The following DYSF variants were observed in gnomAD, a reference collection of about 807,000 sequenced individuals.
DYSF encodes dystrophy-associated fer-1-like 1.
A neutral mutation model predicts 274.9 loss-of-function variants in DYSF; 212 were observed. The ratio of observed to expected loss-of-function variants is 0.77; its 90% confidence interval spans 0.69 to 0.86. The LOEUF (loss-of-function observed/expected upper bound fraction) is 0.86, where lower values mean the gene tolerates loss of function less well. DYSF is among the 40% of genes least tolerant of loss of function. The probability of loss-of-function intolerance (pLI) is 0.00; values close to 1 mark genes in which losing one functional copy is unlikely to be tolerated. For synonymous variants in DYSF, 1,091 were observed against 1,078.7 expected (o/e 1.01, Z -0.22); for missense variants, 2,666 against 2,783.2 (o/e 0.96, Z 0.95).
chr2:71,587,469 A>C (rs1022268205), intron 30 of DYSF, among the ~76,000 whole-genome samples: 8 of 152,216 alleles, frequency 5.3e-5, no homozygotes, highest in African/African-American at 1.7e-4. Context: ...CACTCCCAGC[A>C]CATGACAAAC....
rs753416561 is a variant in DYSF at position 71,551,644 on chromosome 2, C to T, written c.1730C>T (p.Ser577Phe). 2 of 1,610,272 alleles carry T rather than the reference C, an allele frequency of 1.2e-6. No individual in the cohort carries two copies. The highest frequency in any genetic ancestry group is 1.1e-5 in the South Asian group (1 of 89,820). The part of the protein sequence containing the change: ...GVAYRGRLLL[S>F]LETKLVEHSE... The stretch of plus-strand genomic sequence containing the variant: ...GCTTATCGTGGCCGGCTTCTGCTCT[C>T]CCTGGAGACCAAGCTGGTGGAGCAC... The change falls in exon 19 of 56, where the codon TCC becomes TTC. Residue 577 changes from serine (S) to phenylalanine (F), a missense_variant. By Grantham distance (155) the Ser-to-Phe change is radical. Coordinates refer to ENST00000410020, the MANE Select transcript of DYSF (RefSeq NM_001130987.2).
intron 43 of DYSF, among the ~76,000 whole-genome samples, chr2:71,658,084 C>T (rs766759609): frequency 6.6e-6 from 1 of 152,200 alleles, no homozygotes; most frequent in Non-Finnish European, 1.5e-5. Flanking sequence ...GCACCCAAGT[C>T]AACTTTTGAA....
chr2:71,510,070 G>A (rs2152726483), intron 4 of DYSF, among the ~76,000 whole-genome samples: 1 of 152,324 alleles, frequency 6.6e-6, no homozygotes, highest in East Asian at 1.9e-4. Flanking sequence ...ACCTCGCCCA[G>A]GCTCTTTTGA....
chr2:71,551,085 A>C lies in DYSF; in HGVS notation c.1621A>C (p.Ile541Leu). The C allele has an allele frequency of 6.2e-7, 1 of 1,614,114 alleles. No homozygotes were observed. The highest frequency in any genetic ancestry group is 2.2e-5 in the East Asian group (1 of 44,866). ...GFLPTFGPCY[I>L]NLYGSPREFT... is the part of the protein sequence containing the mutation. ...CCTCCCCACTTTTGGGCCCTGCTAC[A>C]TCAACCTCTATGGCAGTCCCAGAGA... Residue 541 changes from isoleucine to leucine, a missense_variant, in exon 18 of 56, where the codon ATC (isoleucine) becomes CTC (leucine). Around this residue, in one of 3 missense-constraint regions of DYSF, gnomAD observed 794 missense variants for 777.1 expected, o/e 1.02. Transcript: ENST00000410020.
intron 1 of DYSF, among the ~76,000 whole-genome samples, chr2:71,468,597 T>G (rs2081720947): frequency 2.0e-5 from 3 of 152,230 alleles, no homozygotes; most frequent in South Asian, 2.1e-4. Context: ...TTATTTGCAC[T>G]GATGATCTCC....
chr2:71,659,154 C>A, intron 44 of DYSF, 121 bp downstream of exon 44: 1 of 1,360,762 alleles, frequency 7.3e-7, no homozygotes, highest in Admixed American at 1.9e-5. Flanking sequence ...CAGACAAACA[C>A]ACAAAACTGA....
intron 17 of DYSF, among the ~76,000 whole-genome samples, chr2:71,545,154 A>G (rs1377764082): frequency 3.3e-5 from 5 of 152,228 alleles, no homozygotes; most frequent in African/African-American, 1.2e-4. Context: ...GGAGTAGGAA[A>G]GAGTTCCAGG....
Position 71,556,205 on chromosome 2 carries a change from T to C in DYSF, c.2216+134T>C, listed in dbSNP as rs1573964930. 4.0e-6 allele frequency: 3 copies of C among 750,960 alleles called. No individual in the cohort carries two copies. The East Asian group carries it at 8.1e-5, about 20-fold the overall frequency. 46.5% of individuals were successfully genotyped at this position (750,960 alleles called of 1,614,324 possible). A position where few individuals can be genotyped will look rare whatever the true frequency, so the allele number is the denominator to read the frequency against. On this transcript the variant is annotated intron_variant, in intron 22 of 55. Transcript: ENST00000410020. ...GCTTGGCCAGCAGTCCAGCCCGTGC[T>C]GAGTCCAAAGGTGGTGGAGCCAGTG...
chr2:71,473,226 G>A (rs946308393), intron 1 of DYSF, among the ~76,000 whole-genome samples: 2 of 152,128 alleles, frequency 1.3e-5, no homozygotes, highest in African/African-American at 4.8e-5. Flanking sequence ...TTTGTTTGGG[G>A]GTGTCTGTAC....
At chr2:71,610,314 A>G (rs776395676) in intron 36 of DYSF, among the ~76,000 whole-genome samples, 11 of 152,178 alleles carry the variant, frequency 7.2e-5, no homozygotes, top group Non-Finnish European at 8.8e-5. Flanking sequence ...CTCAACCCTC[A>G]CCCTAACCTT....
chr2:71,612,917 G>T (rs995938132), intron 39 of DYSF, 111 bp downstream of exon 39: 104 of 1,363,476 alleles, frequency 7.6e-5, no homozygotes, highest in Non-Finnish European at 1.0e-4. Context: ...AGACCTGAAT[G>T]AGAAGTGGTT....
chr2:71,650,852 A>G (rs1175240708), intron 42 of DYSF, among the ~76,000 whole-genome samples: 2 of 152,206 alleles, frequency 1.3e-5, no homozygotes, highest in African/African-American at 2.4e-5. Flanking sequence ...TACATATTAG[A>G]ACTTACTGGT....
At chr2:71,559,200 G>A (rs1201827474) in intron 22 of DYSF, among the ~76,000 whole-genome samples, 2 of 152,136 alleles carry the variant, frequency 1.3e-5, no homozygotes, top group Admixed American at 6.5e-5. Flanking sequence ...ACATGTCCAC[G>A]TGGATGTCCC....
chr2:71,502,473 A>G (rs1187449646), intron 3 of DYSF, among the ~76,000 whole-genome samples: 5 of 152,146 alleles, frequency 3.3e-5, no homozygotes, highest in Non-Finnish European at 7.3e-5. Flanking sequence ...CTCACTGCCC[A>G]TGGTTTCCTG....
intron 1 of DYSF, among the ~76,000 whole-genome samples, chr2:71,474,269 C>T (rs1344586643): frequency 2.0e-5 from 3 of 152,186 alleles, no homozygotes; most frequent in African/African-American, 7.2e-5. Context: ...GAATCACACA[C>T]TATTTGTCTT....
At chr2:71,573,284 C>T (rs1379259151) in intron 29 of DYSF, among the ~76,000 whole-genome samples, 2 of 152,222 alleles carry the variant, frequency 1.3e-5, no homozygotes, top group Non-Finnish European at 2.9e-5. Flanking sequence ...AAGGGGCACC[C>T]AGCAGACAGA....
rs115111868 is a variant in DYSF, at chr2:71,622,506, C to T, written c.4527+1897C>T. 9.8e-3 allele frequency among the ~76,000 whole-genome samples: 1,495 copies of T among 152,314 alleles called. 9 individuals carry two copies. The highest frequency in any genetic ancestry group is 0.037 in the Middle Eastern group (11 of 294). ...TGCTGAGCAGACTTATTTAGTCATT[C>T]ATTCTAATGAGACTGCCTCTACCAG... On this transcript the variant is annotated intron_variant, in intron 41 of 55. Coordinates refer to ENST00000410020, the MANE Select transcript of DYSF (RefSeq NM_001130987.2).
rs7599496 is a variant in DYSF, at chr2:71,552,723, T to C, written c.1807-288T>C. On this transcript the variant is annotated intron_variant, in intron 19 of 55. Transcript: ENST00000410020. The stretch of plus-strand genomic sequence containing the variant: ...CCAGTGGGAGCCCCCACTCAGCTGA[T>C]GTGGTGGTACCATGGCTGCTGGTTT... Among the ~76,000 whole-genome samples the C allele has an allele frequency of 0.74, 112,743 of 152,248 alleles. 43,184 individuals are homozygous for C. The highest frequency in any genetic ancestry group is 0.87 in the African/African-American group (36,343 of 41,568).
At chr2:71,590,386 T>A in intron 32 of DYSF, 98 bp downstream of exon 32, 1 of 1,309,282 alleles carries the variant, frequency 7.6e-7, no homozygotes, top group African/African-American at 1.4e-5. Flanking sequence ...GTTTGCTGGG[T>A]GCATGGAGAT....
Sources: allele counts gnomAD v4.1 joint callset (sites outside exome capture counted in the v4.1 genomes callset), GRCh38; gene constraint gnomAD v4.1.1; regional missense constraint gnomAD v4.1.1; transcripts MANE v1.5; gene names NCBI Gene and HGNC (gene_info 2026-07-23, HGNC 2026-07-21).